SLC44A5: variants seen among roughly 807,000 people sequenced by gnomAD.
The protein encoded by SLC44A5 is solute carrier family 44 member 5, also known as choline transporter-like protein 5.
SLC44A5 carries 57 observed loss-of-function variants against 101.8 expected under a neutral mutation model. That is an observed-to-expected ratio of 0.56 (90% confidence interval 0.45 to 0.70). The LOEUF (loss-of-function observed/expected upper bound fraction) is 0.70, where lower values mean the gene tolerates loss of function less well. Ranked by LOEUF, SLC44A5 falls within the 30% of genes least tolerant of loss-of-function variation. SLC44A5 has a pLI of 0.00. For synonymous variants in SLC44A5, 281 were observed against 290.9 expected (o/e 0.97, Z 0.35); for missense variants, 737 against 853.1 (o/e 0.86, Z 1.70).
intron 23 of SLC44A5, chr1:75,206,439 C>A: frequency 1.8e-6 from 1 of 546,478 alleles, no homozygotes; most frequent in Non-Finnish European, 3.2e-6. Context: ...ATAAAGTAGA[C>A]AGCAGCTAAT....
the SLC44A5 span, among the ~76,000 whole-genome samples, chr1:75,684,784 T>G: frequency 2.6e-5 from 4 of 152,132 alleles, no homozygotes; most frequent in Non-Finnish European, 4.4e-5. Context: ...GTTTTCCAGG[T>G]GCATGGTGCA....
chr1:75,208,912 C>T (rs1646799767), intron 23 of SLC44A5, among the ~76,000 whole-genome samples: 1 of 152,018 alleles, frequency 6.6e-6, no homozygotes, highest in Non-Finnish European at 1.5e-5. Context: ...TTGTAAAAAT[C>T]ACCAGTTTTC....
At chr1:75,389,974 G>A (rs1019115792) in intron 3 of SLC44A5, among the ~76,000 whole-genome samples, 8 of 152,052 alleles carry the variant, frequency 5.3e-5, no homozygotes, top group South Asian at 2.1e-4. Context: ...CAATGCCAAC[G>A]ACAATGGTGA....
At chr1:75,698,810 G>A in the SLC44A5 span, among the ~76,000 whole-genome samples, 1 of 152,164 alleles carries the variant, frequency 6.6e-6, no homozygotes, top group Admixed American at 6.5e-5. Flanking sequence ...GTGCTTAAAG[G>A]AGCTGATGGA....
At chr1:75,444,651 G>T (rs1409447504) in intron 2 of SLC44A5, among the ~76,000 whole-genome samples, 2 of 151,900 alleles carry the variant, frequency 1.3e-5, no homozygotes, top group African/African-American at 4.8e-5. Context: ...CAACATGGTA[G>T]TGATAGATGC....
Position 75,479,109 on chromosome 1 carries a change from G to A in SLC44A5, c.13+62326C>T, listed in dbSNP as rs988030131. Among the ~76,000 whole-genome samples the A allele has an allele frequency of 4.6e-4, 70 of 152,164 alleles. 1 individual carries two copies. The highest frequency in any genetic ancestry group is 1.3e-3 in the African/African-American group (55 of 41,512). Reference sequence around the variant, plus strand: ...AGGATTAAGAATCTCACTCAAAACCGCTCAACTACATGGAAACTGAACAAC... The same window carrying A: ...AGGATTAAGAATCTCACTCAAAACCACTCAACTACATGGAAACTGAACAAC... On this transcript the variant is annotated intron_variant, in intron 2 of 23. Transcript: ENST00000370859.
intron 4 of SLC44A5, among the ~76,000 whole-genome samples, chr1:75,308,629 T>G (rs1408299303): frequency 6.6e-6 from 1 of 152,150 alleles, no homozygotes; most frequent in African/African-American, 2.4e-5. Context: ...CCAAAGGCAC[T>G]ACACAGCAGG....
intron 2 of SLC44A5, among the ~76,000 whole-genome samples, chr1:75,457,018 G>A (rs1004748976): frequency 9.2e-5 from 14 of 152,180 alleles, no homozygotes; most frequent in Admixed American, 6.5e-4. Context: ...CCAAGCCCAT[G>A]AGGAAGCACA....
chr1:75,531,597 C>A (rs184155076), intron 2 of SLC44A5, among the ~76,000 whole-genome samples: 30 of 152,278 alleles, frequency 2.0e-4, no homozygotes, highest in Admixed American at 9.2e-4. Flanking sequence ...TTCTAACAAG[C>A]CTCCAGTTGA....
At chr1:75,240,911 T>C (rs1413269712) in intron 9 of SLC44A5, among the ~76,000 whole-genome samples, 2 of 152,122 alleles carry the variant, frequency 1.3e-5, no homozygotes, top group African/African-American at 4.8e-5. Context: ...GAAGAGGTTT[T>C]CTTGTGGTTA....
intron 1 of SLC44A5, among the ~76,000 whole-genome samples, chr1:75,557,606 T>C (rs915268148): frequency 6.6e-6 from 1 of 152,124 alleles, no homozygotes; most frequent in Non-Finnish European, 1.5e-5. Flanking sequence ...AAGGTAGTTT[T>C]TAAAACAGAA....
intron 2 of SLC44A5, among the ~76,000 whole-genome samples, chr1:75,536,915 A>G (rs1671055639): frequency 7.4e-6 from 1 of 134,320 alleles, no homozygotes; most frequent in Admixed American, 7.6e-5. Context: ...CTGAGGCAGG[A>G]GAATGGCGTG....
At chr1:75,330,106 T>C (rs201556173) in intron 4 of SLC44A5, among the ~76,000 whole-genome samples, 2,648 of 128,588 alleles carry the variant, frequency 0.021, 26 homozygotes, top group South Asian at 0.042. Context: ...TATATATATA[T>C]ACACACACAC....
intron 2 of SLC44A5, among the ~76,000 whole-genome samples, chr1:75,537,034 A>AAAAAATATATATATATG (rs1553199990): frequency 7.0e-4 from 13 of 18,644 alleles, no homozygotes; most frequent in African/African-American, 1.2e-3. Context: ...AAAAAAAAAA[A>AAAAAATATATATATATG]TATATATCTA....
chr1:75,319,619 G>A (rs769167174), intron 4 of SLC44A5, among the ~76,000 whole-genome samples: 2 of 152,136 alleles, frequency 1.3e-5, no homozygotes, highest in African/African-American at 2.4e-5. Context: ...CCCACAAGAG[G>A]CAAGACTATG....
chr1:75,393,107 G>A (rs1249818), intron 3 of SLC44A5, among the ~76,000 whole-genome samples: 80,055 of 151,898 alleles, frequency 0.53, 22,808 homozygotes, highest in East Asian at 0.94. Flanking sequence ...AAACCCTCAC[G>A]TCATGCAATA....
chr1:75,265,050 T>G (rs1650877385), intron 6 of SLC44A5, among the ~76,000 whole-genome samples: 1 of 152,116 alleles, frequency 6.6e-6, no homozygotes, highest in African/African-American at 2.4e-5. Flanking sequence ...CTACCAAGGT[T>G]GAATCAAGAA....
intron 18 of SLC44A5, among the ~76,000 whole-genome samples, chr1:75,217,082 G>C (rs1033975263): frequency 6.6e-6 from 1 of 151,966 alleles, no homozygotes; most frequent in Non-Finnish European, 1.5e-5. Flanking sequence ...TATAGTTTTT[G>C]TGCTTTTGTT....
intron 3 of SLC44A5, among the ~76,000 whole-genome samples, chr1:75,349,803 TA>T (rs760407182): frequency 2.0e-4 from 31 of 152,146 alleles, no homozygotes; most frequent in Non-Finnish European, 3.8e-4. Flanking sequence ...TGGACTTTGG[TA>T]TTATTTAAAA....
Sources: gnomAD v4.1 joint callset for allele counts (sites outside exome capture counted in the v4.1 genomes callset) on GRCh38, gnomAD v4.1.1 for gene constraint, MANE v1.5 for transcripts, NCBI Gene and HGNC (gene_info 2026-07-23, HGNC 2026-07-21) for gene names.